Variants in GABRB2 observed in about 807,000 individuals in gnomAD.
The protein encoded by GABRB2 is gamma-aminobutyric acid type A receptor subunit beta2, also known as gamma-aminobutyric acid receptor subunit beta-2.
In GABRB2, 16 loss-of-function variants were observed where a neutral mutation model predicts 54.7. That is an observed-to-expected ratio of 0.29 (90% CI 0.20 to 0.44). The LOEUF (loss-of-function observed/expected upper bound fraction) is 0.44, where lower values mean the gene tolerates loss of function less well. Ranked by LOEUF, GABRB2 falls within the 20% of genes least tolerant of loss-of-function variation. The probability of loss-of-function intolerance (pLI) is 1.00; values close to 1 mark genes in which losing one functional copy is unlikely to be tolerated. For synonymous variants in GABRB2, 244 were observed against 233.8 expected (o/e 1.04, Z -0.40); for missense variants, 355 against 644.0 (o/e 0.55, Z 4.86).
In GABRB2 at chr5:161,401,489, G is replaced by A. The variant is rs914621958; in HGVS notation, c.541+9486C>T. The stretch of plus-strand genomic sequence containing the variant: ...AAACTTACAACCGATAGTATTTAAG[G>A]GTAGAAAATAGTTATTTGCCATAGT... On this transcript the variant is annotated intron_variant, in intron 5 of 9. Coordinates refer to ENST00000393959, the MANE Select transcript of GABRB2 (RefSeq NM_001371727.1). Among the ~76,000 whole-genome samples, 7 of 152,028 alleles carry A rather than the reference G, an allele frequency of 4.6e-5. No individual in the cohort carries two copies. In the South Asian group the frequency reaches 1.2e-3, roughly 27 times the overall value.
chr5:161,369,006 A>T (rs1288564046), intron 5 of GABRB2, among the ~76,000 whole-genome samples: 4 of 152,160 alleles, frequency 2.6e-5, no homozygotes, highest in Non-Finnish European at 5.9e-5. Flanking sequence ...TCTTATTTTT[A>T]AAAAAGAGAA....
intron 9 of GABRB2, among the ~76,000 whole-genome samples, chr5:161,322,856 C>G (rs1252156587): frequency 2.0e-5 from 3 of 152,042 alleles, no homozygotes; most frequent in Admixed American, 1.3e-4. Context: ...CATTTTCTCT[C>G]TTTTAATCGC....
At chr5:161,406,668 G>A (rs1756356487) in intron 5 of GABRB2, among the ~76,000 whole-genome samples, 1 of 151,978 alleles carries the variant, frequency 6.6e-6, no homozygotes, top group Non-Finnish European at 1.5e-5. Context: ...TTTTACCCCT[G>A]AAGAAAGAGG....
At chr5:161,302,931 T>C (rs543710126) in intron 9 of GABRB2, among the ~76,000 whole-genome samples, 1 of 152,268 alleles carries the variant, frequency 6.6e-6, no homozygotes, top group African/African-American at 2.4e-5. Flanking sequence ...CAACAAAAAT[T>C]GGGAGTTTGG....
At chr5:161,389,571 AGTGTGTGTGTGT>A (rs10666283) in intron 5 of GABRB2, among the ~76,000 whole-genome samples, 1 of 145,834 alleles carries the variant, frequency 6.9e-6, no homozygotes, top group South Asian at 2.2e-4. Flanking sequence ...ATGTTTGTGG[AGTGTGTGTGTGT>A]GTGTGTGTGT....
intron 4 of GABRB2, among the ~76,000 whole-genome samples, chr5:161,423,995 A>T (rs1441636586): frequency 6.6e-6 from 1 of 152,174 alleles, no homozygotes; most frequent in African/African-American, 2.4e-5. Flanking sequence ...AAATTCCCTT[A>T]AGCTGAAGCC....
At chr5:161,390,780 C>A (rs1755796856) in intron 5 of GABRB2, among the ~76,000 whole-genome samples, 1 of 152,132 alleles carries the variant, frequency 6.6e-6, no homozygotes, top group South Asian at 2.1e-4. Flanking sequence ...CATGTCCTTT[C>A]TCCCAAATCT....
chr5:161,546,727 A>C, upstream of GABRB2: 1 of 1,538,964 alleles, frequency 6.5e-7, no homozygotes, highest in Admixed American at 2.0e-5. Context: ...TTCTAATGTG[A>C]GGCGCATGCG....
At chr5:161,360,657 C>T (rs1306905064) in intron 5 of GABRB2, among the ~76,000 whole-genome samples, 1 of 151,918 alleles carries the variant, frequency 6.6e-6, no homozygotes, top group Non-Finnish European at 1.5e-5. Context: ...TAAGAAAGAA[C>T]AATAGAATGA....
chr5:161,513,346 A>C (rs565680336), intron 3 of GABRB2, among the ~76,000 whole-genome samples: 1 of 152,218 alleles, frequency 6.6e-6, no homozygotes, highest in African/African-American at 2.4e-5. Context: ...TCATTGCAGC[A>C]CTGTTCGCAA....
At chr5:161,477,247 T>C (rs1355982128) in intron 3 of GABRB2, among the ~76,000 whole-genome samples, 2 of 146,180 alleles carry the variant, frequency 1.4e-5, no homozygotes, top group South Asian at 4.3e-4. Flanking sequence ...TCACTTTGTA[T>C]ATATTATTAT....
At chr5:161,506,600 T>G (rs962619482) in intron 3 of GABRB2, among the ~76,000 whole-genome samples, 1 of 152,186 alleles carries the variant, frequency 6.6e-6, no homozygotes, top group African/African-American at 2.4e-5. Context: ...ATTGTCATGC[T>G]ATAATGACAG....
At chr5:161,352,942 T>C (rs1379467615) in intron 5 of GABRB2, among the ~76,000 whole-genome samples, 1 of 151,986 alleles carries the variant, frequency 6.6e-6, no homozygotes. Context: ...CCATTCAAAT[T>C]CTGCCTACTT....
At chr5:161,346,131 G>T (rs944233294) in intron 5 of GABRB2, among the ~76,000 whole-genome samples, 4 of 152,122 alleles carry the variant, frequency 2.6e-5, no homozygotes, top group Non-Finnish European at 4.4e-5. Context: ...TAGCTACCAA[G>T]TTAGAGTAAA....
chr5:161,343,896 G>A (rs139381405), intron 5 of GABRB2, among the ~76,000 whole-genome samples: 63 of 152,216 alleles, frequency 4.1e-4, no homozygotes, highest in Non-Finnish European at 8.4e-4. Context: ...GTAGGCCAAT[G>A]CTTCTTAAGC....
chr5:161,361,274 T>G (rs1754802125), intron 5 of GABRB2, among the ~76,000 whole-genome samples: 1 of 152,148 alleles, frequency 6.6e-6, no homozygotes, highest in Non-Finnish European at 1.5e-5. Context: ...TGTTAAGAAA[T>G]TATTTTATTA....
At chr5:161,467,016 C>T (rs1473750342) in intron 3 of GABRB2, among the ~76,000 whole-genome samples, 1 of 152,056 alleles carries the variant, frequency 6.6e-6, no homozygotes, top group African/African-American at 2.4e-5. Context: ...GACATAAAGA[C>T]ACCTAACAGC....
intron 3 of GABRB2, among the ~76,000 whole-genome samples, chr5:161,507,532 C>T (rs1390675231): frequency 2.0e-5 from 3 of 151,804 alleles, no homozygotes; most frequent in Non-Finnish European, 4.4e-5. Flanking sequence ...ATGTCAAAGG[C>T]AAGGAGAAAA....
intron 9 of GABRB2, among the ~76,000 whole-genome samples, chr5:161,315,827 TA>T (rs1758012042): frequency 2.0e-5 from 3 of 152,178 alleles, no homozygotes; most frequent in South Asian, 2.1e-4. Context: ...AAATATACGA[TA>T]AATCTTTATA....
Sources: allele counts gnomAD v4.1 joint callset (sites outside exome capture counted in the v4.1 genomes callset), GRCh38; gene constraint gnomAD v4.1.1; transcripts MANE v1.5; gene names NCBI Gene and HGNC (gene_info 2026-07-23, HGNC 2026-07-21).